ZEB1: variants seen among roughly 807,000 people sequenced by gnomAD.
ZEB1 encodes the protein zinc finger E-box-binding homeobox 1.
A neutral mutation model predicts 84.9 loss-of-function variants in ZEB1; 21 were observed. The observed-to-expected ratio is 0.25, with a 90% CI of 0.18 to 0.36. ZEB1 has a LOEUF of 0.36. ZEB1 is among the 10% of genes least tolerant of loss of function. The pLI, the probability that ZEB1 is intolerant of heterozygous loss-of-function variation, is 1.00. For synonymous variants in ZEB1, 420 were observed against 471.1 expected, an observed-to-expected ratio of 0.89 and a Z score of 1.41; for missense variants, 1,104 against 1,330.2, an observed-to-expected ratio of 0.83 and a Z score of 2.65.
Position 31,514,535 on chromosome 10 carries a change from T to C in ZEB1, c.688-68T>C, listed in dbSNP as rs1314288402. Reference sequence around the variant, plus strand: ...AGGCTCACAAAAATGTCACTCTTAGTAGATTGGATGTTCTTTAGTCTAAAG... The same window carrying C: ...AGGCTCACAAAAATGTCACTCTTAGCAGATTGGATGTTCTTTAGTCTAAAG... On this transcript the variant is annotated intron_variant, in intron 5 of 8. Coordinates refer to ENST00000424869, the MANE Select transcript of ZEB1 (RefSeq NM_001174096.2). 7.2e-6 allele frequency: 10 copies of C among 1,389,258 alleles called. No individual in the cohort carries two copies. In the African/African-American group the frequency reaches 1.0e-4, roughly 14 times the overall value. 86.1% of individuals were successfully genotyped at this position (1,389,258 alleles called of 1,614,324 possible).
Position 31,389,007 on chromosome 10 carries a change from T to C in ZEB1, c.58+69715T>C, listed in dbSNP as rs72639504. Among the ~76,000 whole-genome samples the C allele has an allele frequency of 0.013, 1,954 of 152,204 alleles. 111 individuals are homozygous for C. In the East Asian group the frequency reaches 0.18, roughly 14 times the overall value. ...TAAAGTGAGTTTTGTTTTATGATAG[T>C]ACATATTTTAGCAACATACTTTAGA... On this transcript the variant is annotated intron_variant, in intron 1 of 8. Coordinates refer to ENST00000424869, the MANE Select transcript of ZEB1 (RefSeq NM_001174096.2).
chr10:31,322,209 A>C (rs2034262242), intron 1 of ZEB1: 1 of 152,408 alleles, frequency 6.6e-6, no homozygotes, highest in African/African-American at 2.4e-5. Context: ...TGCAAATTAA[A>C]AATGAAGTTA....
chr10:31,415,344 T>C (rs901826162), intron 1 of ZEB1, among the ~76,000 whole-genome samples: 3 of 152,126 alleles, frequency 2.0e-5, no homozygotes, highest in Admixed American at 6.6e-5. Context: ...CTATTACTAC[T>C]ACTACTTCTA....
At chr10:31,354,366 A>G (rs1166314966) in intron 1 of ZEB1, among the ~76,000 whole-genome samples, 3 of 152,182 alleles carry the variant, frequency 2.0e-5, no homozygotes, top group Non-Finnish European at 4.4e-5. Context: ...GCATATTACT[A>G]TATTTTCTCG....
intron 1 of ZEB1, among the ~76,000 whole-genome samples, chr10:31,442,073 A>C (rs911704120): frequency 6.6e-6 from 1 of 152,218 alleles, no homozygotes; most frequent in African/African-American, 2.4e-5. Context: ...TACCCAAAGG[A>C]TTATAAATCA....
intron 1 of ZEB1, among the ~76,000 whole-genome samples, chr10:31,384,141 A>C (rs77594707): frequency 0.011 from 1,677 of 151,956 alleles, 84 homozygotes; most frequent in Admixed American, 0.072. Context: ...ACTCCTGACT[A>C]ATTTTTGTAC....
At chr10:31,380,385 G>A (rs1478386814) in intron 1 of ZEB1, among the ~76,000 whole-genome samples, 2 of 152,162 alleles carry the variant, frequency 1.3e-5, no homozygotes, top group East Asian at 1.9e-4. Flanking sequence ...AAGGCATGCA[G>A]GAATACTTTG....
At chr10:31,466,214 T>C (rs1321320649) in intron 2 of ZEB1, among the ~76,000 whole-genome samples, 1 of 152,172 alleles carries the variant, frequency 6.6e-6, no homozygotes, top group Non-Finnish European at 1.5e-5. Flanking sequence ...AGAAATCATC[T>C]AGACAGAAAA....
At chr10:31,417,595 A>T (rs2055435503) in intron 1 of ZEB1, among the ~76,000 whole-genome samples, 1 of 152,184 alleles carries the variant, frequency 6.6e-6, no homozygotes, top group South Asian at 2.1e-4. Flanking sequence ...TGTTCTACTT[A>T]GAAATTTAGA....
intron 3 of ZEB1, among the ~76,000 whole-genome samples, chr10:31,500,470 A>C (rs2067965660): frequency 1.3e-5 from 2 of 152,182 alleles, no homozygotes; most frequent in African/African-American, 2.4e-5. Context: ...CAGGACCAGC[A>C]TACCCCCATT....
intron 2 of ZEB1, among the ~76,000 whole-genome samples, chr10:31,472,941 G>C (rs1279656715): frequency 8.3e-6 from 1 of 120,424 alleles, no homozygotes; most frequent in Non-Finnish European, 1.5e-5. Context: ...CATATAAACA[G>C]AGCCAAAGAC....
At chr10:31,447,965 G>T (rs1367550208) in intron 1 of ZEB1, among the ~76,000 whole-genome samples, 3 of 151,718 alleles carry the variant, frequency 2.0e-5, no homozygotes, top group Admixed American at 6.6e-5. Flanking sequence ...GGCCTGCCTT[G>T]CTAGATTGGG....
At chr10:31,495,561 G>A (rs2067105516) in intron 2 of ZEB1, among the ~76,000 whole-genome samples, 1 of 151,914 alleles carries the variant, frequency 6.6e-6, no homozygotes, top group African/African-American at 2.4e-5. Flanking sequence ...ATTTCGGGAA[G>A]TTAAAATGTT....
intron 1 of ZEB1, among the ~76,000 whole-genome samples, chr10:31,409,240 G>A (rs1250555106): frequency 3.9e-5 from 6 of 152,130 alleles, no homozygotes; most frequent in Non-Finnish European, 5.9e-5. Context: ...AAAAAGTCAG[G>A]AAACAACAGG....
intron 1 of ZEB1, among the ~76,000 whole-genome samples, chr10:31,372,267 T>C (rs771168632): frequency 1.4e-4 from 22 of 152,092 alleles, no homozygotes; most frequent in Non-Finnish European, 1.5e-4. Context: ...ACTATTGAAA[T>C]GGGCCAACTT....
chr10:31,522,279 G>A (rs998822587), intron 7 of ZEB1, among the ~76,000 whole-genome samples: 66 of 152,294 alleles, frequency 4.3e-4, no homozygotes, highest in African/African-American at 1.5e-3. Flanking sequence ...CCTAAAATTA[G>A]TAATAGTTTC....
At position 31,360,874 on chromosome 10, in the gene ZEB1, C is replaced by T. The variant is rs116466140; in HGVS notation, c.58+41582C>T. 5,061 of 1,103,912 alleles carry T rather than the reference C, an allele frequency of 4.6e-3. 124 individuals are homozygous for T. In the African/African-American group the frequency reaches 0.049, roughly 11 times the overall value. 68.4% of individuals were successfully genotyped at this position (1,103,912 alleles called of 1,614,324 possible). A position where few individuals can be genotyped will look rare whatever the true frequency, so the allele number is the denominator to read the frequency against. ...GCATTTACTAGTGCCACAGTAGTGG[C>T]GTTACAGTGAGCTGCAGTAACCTGA... On this transcript the variant is annotated intron_variant, in intron 1 of 8. Coordinates refer to ENST00000424869, the MANE Select transcript of ZEB1 (RefSeq NM_001174096.2).
chr10:31,419,189 G>T (rs962919718), intron 1 of ZEB1, among the ~76,000 whole-genome samples: 2 of 152,086 alleles, frequency 1.3e-5, no homozygotes, highest in African/African-American at 4.8e-5. Flanking sequence ...GTAAAGAAAT[G>T]ACATTTAGAT....
At chr10:31,394,153 GA>G (rs1368228691) in intron 1 of ZEB1, among the ~76,000 whole-genome samples, 2 of 152,152 alleles carry the variant, frequency 1.3e-5, no homozygotes, top group African/African-American at 4.8e-5. Flanking sequence ...GAATCTGAGG[GA>G]CATTAGATTT....
Sources: allele counts gnomAD v4.1 joint callset (sites outside exome capture counted in the v4.1 genomes callset), GRCh38; gene constraint gnomAD v4.1.1; transcripts MANE v1.5; gene names NCBI Gene and HGNC (gene_info 2026-07-23, HGNC 2026-07-21).